The following SLC38A6 variants were observed in gnomAD, a reference collection of about 807,000 sequenced individuals.
SLC38A6 encodes N system amino acid transporter NAT-1.
SLC38A6 carries 73 observed loss-of-function variants against 65.0 expected under a neutral mutation model. The ratio of observed to expected loss-of-function variants is 1.12; its 90% CI spans 0.93 to 1.37. SLC38A6 has a LOEUF of 1.37. Among genes scored for constraint, SLC38A6 ranks in the 40% most tolerant of loss-of-function variants. The pLI, the probability that SLC38A6 is intolerant of heterozygous loss-of-function variation, is 0.00. For synonymous variants in SLC38A6, 183 were observed against 178.8 expected, an observed-to-expected ratio of 1.02 and a Z score of -0.19; for missense variants, 561 against 531.1, an observed-to-expected ratio of 1.06 and a Z score of -0.55.
intron 15 of SLC38A6, among the ~76,000 whole-genome samples, chr14:61,075,817 G>A (rs879489627): frequency 1.7e-3 from 250 of 147,528 alleles, no homozygotes; most frequent in Middle Eastern, 6.9e-3. Flanking sequence ...GTGTGTGTGT[G>A]TGTGTGTGTG....
chr14:61,079,356 C>T (rs1011524173), intron 16 of SLC38A6, among the ~76,000 whole-genome samples: 3 of 151,972 alleles, frequency 2.0e-5, no homozygotes, highest in Middle Eastern at 3.4e-3. Flanking sequence ...AGGCTGGTCT[C>T]GAACTTCTGA....
chr14:61,041,603 T>C (rs2041819480), intron 8 of SLC38A6, among the ~76,000 whole-genome samples: 2 of 152,076 alleles, frequency 1.3e-5, no homozygotes, highest in South Asian at 4.1e-4. Flanking sequence ...GGGGAAAATA[T>C]AAGAAACTGA....
chr14:61,000,166 A>G (rs1166296209), intron 3 of SLC38A6, among the ~76,000 whole-genome samples: 1 of 152,234 alleles, frequency 6.6e-6, no homozygotes, highest in Non-Finnish European at 1.5e-5. Flanking sequence ...ATATATTCAA[A>G]CCATTAACCA....
chr14:61,024,783 A>G (rs1395783601), intron 5 of SLC38A6, among the ~76,000 whole-genome samples: 1 of 152,220 alleles, frequency 6.6e-6, no homozygotes, highest in African/African-American at 2.4e-5. Flanking sequence ...AAAAAGTCTT[A>G]TTAACTCTTA....
intron 15 of SLC38A6, among the ~76,000 whole-genome samples, chr14:61,075,371 A>C (rs1207124366): frequency 1.3e-5 from 2 of 152,182 alleles, no homozygotes; most frequent in Non-Finnish European, 2.9e-5. Flanking sequence ...TCAAAAAGTG[A>C]AATTCAAAGG....
intron 7 of SLC38A6, 74 bp from the exon 8 acceptor site, chr14:61,037,551 A>G (rs141896393): frequency 2.9e-6 from 3 of 1,027,360 alleles, no homozygotes; most frequent in African/African-American, 1.6e-5. Flanking sequence ...AACATGCCTA[A>G]GATGTATAGC....
intron 15 of SLC38A6, among the ~76,000 whole-genome samples, chr14:61,076,182 G>A (rs1243569305): frequency 6.6e-5 from 10 of 152,138 alleles, no homozygotes. Context: ...TTAGATGGTG[G>A]CAGTAGGAAT....
At chr14:60,985,291 G>A (rs544039861) in intron 3 of SLC38A6, among the ~76,000 whole-genome samples, 45 of 152,278 alleles carry the variant, frequency 3.0e-4, no homozygotes, top group Non-Finnish European at 4.4e-4. Flanking sequence ...GTCTAGAATA[G>A]GGTAGTTTTT....
intron 3 of SLC38A6, among the ~76,000 whole-genome samples, chr14:60,997,188 G>T (rs369500905): frequency 6.6e-6 from 1 of 152,032 alleles, no homozygotes; most frequent in Non-Finnish European, 1.5e-5. Flanking sequence ...GTGCAGTGGT[G>T]TAATCTTGGC....
At chr14:61,021,729 G>C (rs2040354074) in intron 5 of SLC38A6, among the ~76,000 whole-genome samples, 1 of 152,132 alleles carries the variant, frequency 6.6e-6, no homozygotes, top group South Asian at 2.1e-4. Context: ...TGCTTATTTA[G>C]TTTTTAGAAT....
intron 3 of SLC38A6, among the ~76,000 whole-genome samples, chr14:61,014,997 C>G (rs1458444304): frequency 2.0e-5 from 3 of 152,230 alleles, no homozygotes; most frequent in Non-Finnish European, 4.4e-5. Context: ...TCTACAGAGG[C>G]ACGCAGGGCT....
intron 3 of SLC38A6, among the ~76,000 whole-genome samples, chr14:61,005,232 A>G (rs1397139006): frequency 2.6e-5 from 4 of 151,772 alleles, no homozygotes; most frequent in East Asian, 1.9e-4. Context: ...ATCATACTGA[A>G]TGGGCAAAAA....
In SLC38A6 at chr14:61,050,651, A is replaced by G; in HGVS notation, c.1050+15A>G. The G allele has an allele frequency of 6.5e-7, 1 of 1,531,724 alleles. No homozygotes were observed. The highest frequency in any genetic ancestry group is 8.9e-7 in the Non-Finnish European group (1 of 1,129,690). 94.9% of individuals were successfully genotyped at this position (1,531,724 alleles called of 1,614,324 possible). ...TCCACTTCCCTGTAAGTACTCTTAA[A>G]GGGTTTTGTTGCCTAGTATAGACGC... is the stretch of plus-strand genomic sequence containing the variant. On this transcript the variant is annotated intron_variant, in intron 13 of 15. Coordinates refer to ENST00000267488, the MANE Select transcript of SLC38A6 (RefSeq NM_153811.3).
downstream of SLC38A6, among the ~76,000 whole-genome samples, chr14:61,055,266 C>T (rs1281867662): frequency 1.6e-5 from 1 of 61,332 alleles, no homozygotes; most frequent in African/African-American, 6.2e-5. Flanking sequence ...ATCCCTCCCC[C>T]CTCCCCCGAC....
intron 15 of SLC38A6, among the ~76,000 whole-genome samples, chr14:61,062,569 C>T (rs2042886589): frequency 6.6e-6 from 1 of 151,992 alleles, no homozygotes; most frequent in Non-Finnish European, 1.5e-5. Context: ...TCAAGTGATC[C>T]CAGTGCCTCA....
intron 6 of SLC38A6, among the ~76,000 whole-genome samples, chr14:61,036,560 G>A (rs1422414511): frequency 1.1e-4 from 17 of 152,008 alleles, no homozygotes; most frequent in Admixed American, 1.0e-3. Flanking sequence ...GTATACCTAC[G>A]TAACAAGCCT....
At chr14:60,984,013 A>C (rs1322178101) in intron 2 of SLC38A6, among the ~76,000 whole-genome samples, 1 of 152,096 alleles carries the variant, frequency 6.6e-6, no homozygotes, top group Non-Finnish European at 1.5e-5. Context: ...AAATTTCTTC[A>C]ATGACTGGGG....
intron 5 of SLC38A6, among the ~76,000 whole-genome samples, chr14:61,026,053 C>T (rs2040593148): frequency 6.6e-6 from 1 of 152,132 alleles, no homozygotes; most frequent in African/African-American, 2.4e-5. Flanking sequence ...GTAATTCTGT[C>T]CTCATACATA....
chr14:61,047,851 A>G lies in SLC38A6; in HGVS notation c.925+1684A>G, dbSNP rs2042244242. ...TCTTCAGAGTATGCAAATTTTATAT[A>G]ATAGAGAAATACACATCTAAGAAAA... On this transcript the variant is annotated intron_variant, in intron 12 of 15. Coordinates refer to ENST00000267488, the MANE Select transcript of SLC38A6 (RefSeq NM_153811.3). Among the ~76,000 whole-genome samples the G allele has an allele frequency of 2.0e-5, 3 of 152,060 alleles. No individual in the cohort carries two copies. The South Asian group carries it at 6.2e-4, about 31-fold the overall frequency.
Sources: allele counts gnomAD v4.1 joint callset (sites outside exome capture counted in the v4.1 genomes callset), GRCh38; gene constraint gnomAD v4.1.1; transcripts MANE v1.5; gene names NCBI Gene and HGNC (gene_info 2026-07-23, HGNC 2026-07-21).